The following STAT5B variants were observed in gnomAD, a reference collection of about 807,000 sequenced individuals.
The protein encoded by STAT5B is transcription factor STAT5B.
Under a neutral mutation model 107.8 loss-of-function variants are expected in STAT5B, and 21 were observed. The ratio of observed to expected loss-of-function variants is 0.19; its 90% confidence interval spans 0.14 to 0.28. The LOEUF (loss-of-function observed/expected upper bound fraction) is 0.28. STAT5B is among the 10% of genes least tolerant of loss of function. The pLI is 1.00. For synonymous variants in STAT5B, 325 were observed against 401.7 expected, an observed-to-expected ratio of 0.81 and a Z score of 2.28; for missense variants, 565 against 1,008.2, an observed-to-expected ratio of 0.56 and a Z score of 5.95.
chr17:42,212,574 T>C (rs1361747301), intron 12 of STAT5B, among the ~76,000 whole-genome samples: 1 of 152,258 alleles, frequency 6.6e-6, no homozygotes, highest in Non-Finnish European at 1.5e-5. Context: ...AGTGTGCGTA[T>C]GTGTGCACAC....
intron 1 of STAT5B, among the ~76,000 whole-genome samples, chr17:42,268,072 C>T (rs1302806862): frequency 6.6e-6 from 1 of 151,858 alleles, no homozygotes; most frequent in African/African-American, 2.4e-5. Flanking sequence ...CCTAACCAGA[C>T]AGTATTTTTA....
At chr17:42,242,581 A>G (rs2080413138) in intron 1 of STAT5B, among the ~76,000 whole-genome samples, 1 of 151,574 alleles carries the variant, frequency 6.6e-6, no homozygotes, top group Non-Finnish European at 1.5e-5. Flanking sequence ...AAATTGTGAG[A>G]CTCTAATCAA....
chr17:42,272,843 G>A (rs901959392), intron 1 of STAT5B, among the ~76,000 whole-genome samples: 7 of 152,010 alleles, frequency 4.6e-5, no homozygotes, highest in South Asian at 2.1e-4. Context: ...GTAATAAAAC[G>A]TCACTTCAAC....
the STAT5B span, among the ~76,000 whole-genome samples, chr17:42,286,277 T>G: frequency 1.4e-5 from 2 of 139,062 alleles, no homozygotes; most frequent in Non-Finnish European, 3.1e-5. Context: ...AAATGTGCAA[T>G]GAAAGACACA....
rs1341303994 is a variant in STAT5B at position 42,200,183 on chromosome 17, C to T, written c.*1555G>A. 7 of 152,638 alleles carry T rather than the reference C, an allele frequency of 4.6e-5. No individual in the cohort carries two copies. Among genetic ancestry groups the T allele is most frequent in the African/African-American group, 7.2e-5 (3 of 41,422 alleles). The allele number at this position is 152,638 out of a possible 1,614,324, so 9.5% of individuals were successfully genotyped here. A position where few individuals can be genotyped will look rare whatever the true frequency, so the allele number is the denominator to read the frequency against. On this transcript the variant is annotated 3_prime_UTR_variant, in exon 19 of 19. Transcript: ENST00000293328. ...ATTTACTATAGAGGAATATTTTTAACGGCAAAACACTGATAAATTCAGAAG... is the reference window on the plus strand; with the variant it reads ...ATTTACTATAGAGGAATATTTTTAATGGCAAAACACTGATAAATTCAGAAG...
chr17:42,232,278 T>C, intron 1 of STAT5B, 141 bp from the exon 2 acceptor site: 1 of 907,734 alleles, frequency 1.1e-6, no homozygotes, highest in Non-Finnish European at 1.4e-6. Context: ...TGAGACAGTC[T>C]CGCTCTGCCA....
intron 1 of STAT5B, among the ~76,000 whole-genome samples, chr17:42,241,556 C>T (rs560280921): frequency 8.8e-4 from 134 of 151,670 alleles, no homozygotes; most frequent in Non-Finnish European, 6.3e-4. Flanking sequence ...GATTCTCCTG[C>T]CTTAGCCTCC....
intron 1 of STAT5B, among the ~76,000 whole-genome samples, chr17:42,245,238 C>T (rs1305511319): frequency 6.6e-6 from 1 of 151,742 alleles, no homozygotes; most frequent in Non-Finnish European, 1.5e-5. Context: ...CCACCATGCC[C>T]AGCTAATTTT....
intron 5 of STAT5B, among the ~76,000 whole-genome samples, chr17:42,220,476 C>A (rs748543797): frequency 2.0e-5 from 3 of 152,188 alleles, no homozygotes. Context: ...TTCAGGGAAA[C>A]CCAGCCCCGG....
chr17:42,273,151 ATTG>A (rs1310827852), intron 1 of STAT5B, among the ~76,000 whole-genome samples: 5 of 152,244 alleles, frequency 3.3e-5, no homozygotes, highest in Middle Eastern at 3.4e-3. Context: ...TGGAAACTAG[ATTG>A]TTAAGTTTGA....
chr17:42,225,655 A>T (rs2080267073), intron 3 of STAT5B, among the ~76,000 whole-genome samples: 2 of 152,176 alleles, frequency 1.3e-5, no homozygotes, highest in South Asian at 4.1e-4. Flanking sequence ...TACACTTTAA[A>T]CCACCTATAG....
chr17:42,202,133 A>G, intron 18 of STAT5B: 1 of 662,276 alleles, frequency 1.5e-6, no homozygotes, highest in Non-Finnish European at 2.6e-6. Flanking sequence ...AGAGAGGGGA[A>G]CAGATGACAT....
chr17:42,206,356 C>T (rs1382450755), intron 16 of STAT5B, among the ~76,000 whole-genome samples: 1 of 152,084 alleles, frequency 6.6e-6, no homozygotes, highest in Non-Finnish European at 1.5e-5. Context: ...TCCCAAAAGT[C>T]TGGGATTACA....
At chr17:42,241,718 C>T (rs6503690) in intron 1 of STAT5B, among the ~76,000 whole-genome samples, 25,927 of 152,052 alleles carry the variant, frequency 0.17, 2,350 homozygotes, top group South Asian at 0.3. Flanking sequence ...GTTGGGATTA[C>T]AGGCCTGAGC....
intron 1 of STAT5B, among the ~76,000 whole-genome samples, chr17:42,249,024 G>A (rs2080476271): frequency 6.6e-6 from 1 of 152,226 alleles, no homozygotes; most frequent in South Asian, 2.1e-4. Flanking sequence ...AGGAAGGTGA[G>A]ATTAAACATG....
chr17:42,217,058 AAAG>A lies in STAT5B; in HGVS notation c.1380+99_1380+101del, dbSNP rs1015650698. 3.7e-5 allele frequency: 57 copies of A among 1,538,934 alleles called. No homozygotes were observed. The African/African-American group carries it at 5.7e-4, about 15-fold the overall frequency. ...CCATTTTCAGTTTACCAACAGTCAA[AAAG>A]AAGAAGATGCTATGTGATAAAAAAA... On this transcript the variant is annotated intron_variant, in intron 11 of 18. Transcript: ENST00000293328.
intron 1 of STAT5B, chr17:42,233,933 T>C (rs2080337691): frequency 6.6e-6 from 1 of 152,088 alleles, no homozygotes; most frequent in African/African-American, 2.4e-5. Flanking sequence ...GGCAGAAACA[T>C]TTGGGTAGAC....
intron 2 of STAT5B, among the ~76,000 whole-genome samples, chr17:42,231,484 G>C (rs2080317185): frequency 6.6e-6 from 1 of 152,140 alleles, no homozygotes; most frequent in African/African-American, 2.4e-5. Context: ...TGGTACTACA[G>C]GTGCACACCA....
chr17:42,233,309 C>T (rs2080332159), intron 1 of STAT5B, among the ~76,000 whole-genome samples: 1 of 152,150 alleles, frequency 6.6e-6, no homozygotes, highest in Admixed American at 6.5e-5. Flanking sequence ...GCTTTGCACA[C>T]AAAGAGCACA....
Sources: gnomAD v4.1 joint callset for allele counts (sites outside exome capture counted in the v4.1 genomes callset) on GRCh38, gnomAD v4.1.1 for gene constraint, MANE v1.5 for transcripts, NCBI Gene and HGNC (gene_info 2026-07-23, HGNC 2026-07-21) for gene names.